LAMA2: variants seen among roughly 807,000 people sequenced by gnomAD.
The protein encoded by LAMA2 is laminin subunit alpha-2.
A neutral mutation model predicts 364.8 loss-of-function variants in LAMA2; 269 were observed. The observed-to-expected ratio is 0.74, with a 90% confidence interval of 0.67 to 0.82. LAMA2 has a LOEUF of 0.82. LAMA2 is among the 40% of genes least tolerant of loss of function. The pLI, the probability that LAMA2 is intolerant of heterozygous loss-of-function variation, is 0.00. For missense variants in LAMA2, 3,807 were observed against 3,873.2 expected, an observed-to-expected ratio of 0.98 and a Z score of 0.45; for synonymous variants, 1,379 against 1,370.6, an observed-to-expected ratio of 1.01 and a Z score of -0.14.
rs1786657889 is a variant in LAMA2 at position 129,512,368 on chromosome 6, G to A, written c.8863G>A (p.Gly2955Arg). Reference protein sequence around the residue: ...DGTGFAKAVGGFKVGLDLLVE... With the variant: ...DGTGFAKAVGRFKVGLDLLVE... ...TTAAAATCTTCATTTTACAGTTGGT[G>A]GATTCAAAGTGGGATTGGACCTTCT... Residue 2955 changes from glycine to arginine, a missense_variant, in exon 63 of 65, where the codon GGA (glycine) becomes AGA (arginine). Transcript: ENST00000421865. 1.2e-6 allele frequency: 2 copies of A among 1,613,334 alleles called. No individual in the cohort carries two copies. Among genetic ancestry groups the A allele is most frequent in the Non-Finnish European group, 1.7e-6 (2 of 1,179,504 alleles).
chr6:129,484,392 T>A (rs978159134), intron 55 of LAMA2, among the ~76,000 whole-genome samples: 1 of 152,220 alleles, frequency 6.6e-6, no homozygotes, highest in African/African-American at 2.4e-5. Flanking sequence ...AACATGTGCA[T>A]ACTCTCTACA....
chr6:129,257,970 T>G (rs1158203584), intron 14 of LAMA2, among the ~76,000 whole-genome samples: 1 of 152,112 alleles, frequency 6.6e-6, no homozygotes. Context: ...CATTTATTAT[T>G]TAAGTATTTA....
In LAMA2 at chr6:128,933,854, A is replaced by G. The variant is rs141841398; in HGVS notation, c.112+50497A>G. Among the ~76,000 whole-genome samples the G allele has an allele frequency of 2.0e-5, 3 of 152,244 alleles. No individual in the cohort carries two copies. In the East Asian group the frequency reaches 5.8e-4, roughly 29 times the overall value. Reference sequence around the variant, plus strand: ...TTTGAATATTAACTCCTGATCATATATATGGTTTGCCAATATATTATCCCA... The same window carrying G: ...TTTGAATATTAACTCCTGATCATATGTATGGTTTGCCAATATATTATCCCA... On this transcript the variant is annotated intron_variant, in intron 1 of 64. Coordinates refer to ENST00000421865, the MANE Select transcript of LAMA2 (RefSeq NM_000426.4).
At chr6:129,094,712 T>C (rs1463051125) in intron 3 of LAMA2, among the ~76,000 whole-genome samples, 5 of 152,222 alleles carry the variant, frequency 3.3e-5, no homozygotes, top group Non-Finnish European at 7.3e-5. Flanking sequence ...TGTTTTTATT[T>C]TTTCTGGAAG....
chr6:129,121,455 A>G (rs1776802311), intron 4 of LAMA2, among the ~76,000 whole-genome samples: 1 of 152,154 alleles, frequency 6.6e-6, no homozygotes, highest in Non-Finnish European at 1.5e-5. Flanking sequence ...TGGATTAGCA[A>G]CTTTGTATGC....
chr6:129,051,105 TTATATC>T (rs1423706267), intron 2 of LAMA2, among the ~76,000 whole-genome samples: 2 of 151,468 alleles, frequency 1.3e-5, no homozygotes, highest in Non-Finnish European at 1.5e-5. Flanking sequence ...TAAGAAATCT[TTATATC>T]TATATATCTC....
At position 128,920,991 on chromosome 6, in the gene LAMA2, A is replaced by C. The variant is rs548780116; in HGVS notation, c.112+37634A>C. On this transcript the variant is annotated intron_variant, in intron 1 of 64. Coordinates refer to ENST00000421865, the MANE Select transcript of LAMA2 (RefSeq NM_000426.4). ...GATGGACAACTACATTCCATTTCTGATCATCGATCCTGTCTTTGCACTATT... is the reference window on the plus strand; with the variant it reads ...GATGGACAACTACATTCCATTTCTGCTCATCGATCCTGTCTTTGCACTATT... 1.9e-3 allele frequency among the ~76,000 whole-genome samples: 296 copies of C among 152,312 alleles called. 2 individuals carry two copies. The highest frequency in any genetic ancestry group is 6.7e-3 in the African/African-American group (279 of 41,568).
chr6:128,918,538 C>T (rs1244566866), intron 1 of LAMA2, among the ~76,000 whole-genome samples: 1 of 152,124 alleles, frequency 6.6e-6, no homozygotes, highest in East Asian at 1.9e-4. Flanking sequence ...TCCTATCCTC[C>T]CGTAAACACT....
At chr6:129,459,574 TC>T in intron 48 of LAMA2, among the ~76,000 whole-genome samples, 1 of 152,210 alleles carries the variant, frequency 6.6e-6, no homozygotes, top group East Asian at 1.9e-4. Flanking sequence ...TTTTCTTTAT[TC>T]CCTTGAACTC....
At chr6:128,888,626 G>T (rs2114375913) in intron 1 of LAMA2, among the ~76,000 whole-genome samples, 1 of 152,290 alleles carries the variant, frequency 6.6e-6, no homozygotes, top group East Asian at 1.9e-4. Context: ...GGAGTGATTT[G>T]TGCAGTTATC....
intron 14 of LAMA2, among the ~76,000 whole-genome samples, chr6:129,252,771 TA>T: frequency 7.3e-6 from 1 of 137,162 alleles, no homozygotes; most frequent in East Asian, 2.0e-4. Flanking sequence ...CATCTCACTA[TA>T]AAACACTTTA....
At chr6:129,069,248 T>G (rs1773141881) in intron 3 of LAMA2, among the ~76,000 whole-genome samples, 1 of 151,968 alleles carries the variant, frequency 6.6e-6, no homozygotes, top group Non-Finnish European at 1.5e-5. Context: ...ATGTGGGCAG[T>G]TTTCACAGCT....
In LAMA2 at chr6:129,330,592, G is replaced by GTTTT. The variant is rs1406358715; in HGVS notation, c.4311+2182_4311+2185dup. 1.5e-3 allele frequency among the ~76,000 whole-genome samples: 116 copies of GTTTT among 78,446 alleles called. 1 individual carries two copies. Among genetic ancestry groups the GTTTT allele is most frequent in the African/African-American group, 4.5e-3 (87 of 19,404 alleles). 51.5% of individuals were successfully genotyped at this position (78,446 alleles called of 152,430 possible). A position where few individuals can be genotyped will look rare whatever the true frequency, so the allele number is the denominator to read the frequency against. On this transcript the variant is annotated intron_variant, in intron 29 of 64. Transcript: ENST00000421865. ...TGAAGCGTTTTTTTGTTGTTGTTTG[G>GTTTT]TTTTTGTTTTTTTTTTTTTTTTTCC...
intron 8 of LAMA2, chr6:129,159,052 T>C: frequency 6.3e-7 from 1 of 1,575,266 alleles, no homozygotes; most frequent in South Asian, 1.1e-5. Context: ...CCAGATTCTG[T>C]CCTTGAACAC....
At chr6:129,393,287 C>G (rs201691836) in intron 37 of LAMA2, 32 bp downstream of exon 37, 1 of 1,543,302 alleles carries the variant, frequency 6.5e-7, no homozygotes, top group African/African-American at 1.4e-5. Flanking sequence ...ATCTTAATCT[C>G]AGAAGGTTGG....
intron 1 of LAMA2, among the ~76,000 whole-genome samples, chr6:128,954,749 A>T (rs560157914): frequency 1.3e-5 from 2 of 152,046 alleles, no homozygotes; most frequent in African/African-American, 4.8e-5. Context: ...ATAGAGGGGG[A>T]TCTTTTTAAG....
At chr6:128,935,780 A>G (rs888664971) in intron 1 of LAMA2, among the ~76,000 whole-genome samples, 4 of 152,148 alleles carry the variant, frequency 2.6e-5, no homozygotes, top group South Asian at 2.1e-4. Context: ...TGAATGTTAT[A>G]TCTTTTTCTT....
chr6:129,111,830 G>A (rs1776178952), intron 4 of LAMA2, among the ~76,000 whole-genome samples: 1 of 151,912 alleles, frequency 6.6e-6, no homozygotes, highest in African/African-American at 2.4e-5. Context: ...TAGGGAAGGG[G>A]GGAATAGCAA....
chr6:129,261,494 G>C (rs996333080), intron 15 of LAMA2, among the ~76,000 whole-genome samples: 1 of 152,050 alleles, frequency 6.6e-6, no homozygotes, highest in Non-Finnish European at 1.5e-5. Flanking sequence ...CTTTTACACA[G>C]AAAACTGGTG....
Sources: allele counts gnomAD v4.1 joint callset (sites outside exome capture counted in the v4.1 genomes callset), GRCh38; gene constraint gnomAD v4.1.1; transcripts MANE v1.5; gene names NCBI Gene and HGNC (gene_info 2026-07-23, HGNC 2026-07-21).